The following ASB1 variants were observed in gnomAD, a reference collection of about 807,000 sequenced individuals.
ASB1 encodes ankyrin repeat and SOCS box protein 1.
In ASB1, 18 loss-of-function variants were observed where a neutral mutation model predicts 27.7. The ratio of observed to expected loss-of-function variants is 0.65; its 90% CI spans 0.45 to 0.96. ASB1 has a LOEUF of 0.96. Among genes scored for constraint, ASB1 ranks in the 50% least tolerant of loss-of-function variants. ASB1 has a pLI of 0.00. For missense variants in ASB1, 397 were observed against 451.7 expected, an observed-to-expected ratio of 0.88 and a Z score of 1.10; for synonymous variants, 189 against 187.6, an observed-to-expected ratio of 1.01 and a Z score of -0.06.
chr2:238,451,064 C>T lies in ASB1; in HGVS notation c.*4553C>T, dbSNP rs113223463. Reference sequence around the variant, plus strand: ...CCCGAACCTCTCAGTGTGGAATGAACGCTCCAAACCCGAACCTCTCAGTGT... The same window carrying T: ...CCCGAACCTCTCAGTGTGGAATGAATGCTCCAAACCCGAACCTCTCAGTGT... On this transcript the variant is annotated 3_prime_UTR_variant, in exon 5 of 5. Transcript: ENST00000264607. The T allele has an allele frequency of 0.11, 6,204 of 55,246 alleles. 104 individuals are homozygous for T. The highest frequency in any genetic ancestry group is 0.18 in the Non-Finnish European group (3,142 of 17,328). 3.4% of individuals were successfully genotyped at this position (55,246 alleles called of 1,614,324 possible). A position where few individuals can be genotyped will look rare whatever the true frequency, so the allele number is the denominator to read the frequency against.
chr2:238,431,020 A>T (rs893505811), intron 1 of ASB1, among the ~76,000 whole-genome samples: 1 of 152,266 alleles, frequency 6.6e-6, no homozygotes, highest in African/African-American at 2.4e-5. Context: ...CAGCTGCGTT[A>T]GCCCCTAACG....
At chr2:238,440,970 C>A (rs567456882) in intron 3 of ASB1, among the ~76,000 whole-genome samples, 29 of 152,260 alleles carry the variant, frequency 1.9e-4, no homozygotes, top group African/African-American at 6.3e-4. Flanking sequence ...ACAAGCTGTG[C>A]GTCCTGGCCT....
At chr2:238,432,268 C>T (rs991745961) in intron 1 of ASB1, among the ~76,000 whole-genome samples, 6 of 152,126 alleles carry the variant, frequency 3.9e-5, no homozygotes, top group African/African-American at 1.4e-4. Flanking sequence ...TTTTTTGTGA[C>T]ATCTGATAAC....
chr2:238,446,240 A>G, intron 4 of ASB1, 144 bp from the exon 5 acceptor site: 1 of 924,488 alleles, frequency 1.1e-6, no homozygotes, highest in Non-Finnish European at 1.6e-6. Flanking sequence ...AGGAAAAGCC[A>G]TCACTTTGTG....
chr2:238,444,177 G>A (rs1001030594), intron 3 of ASB1, among the ~76,000 whole-genome samples, 165 bp from the exon 4 acceptor site: 1 of 152,136 alleles, frequency 6.6e-6, no homozygotes, highest in African/African-American at 2.4e-5. Flanking sequence ...ACCTTATCTT[G>A]CTGAACGTAG....
Position 238,427,029 on chromosome 2 carries a change from G to GAAC in ASB1, c.-42_-41insAAC, listed in dbSNP as rs1241127716. On this transcript the variant is annotated 5_prime_UTR_variant, in exon 1 of 5. Transcript: ENST00000264607. Reference sequence around the variant, plus strand: ...GGGTCGTTCTGCTTCCTGCCCGAGGGGCGTGCGCGGGTCAGGGGCGGCCGC... The same window carrying GAAC: ...GGGTCGTTCTGCTTCCTGCCCGAGGGAACGCGTGCGCGGGTCAGGGGCGGCCGC... The GAAC allele has an allele frequency of 8.1e-7, 1 of 1,241,600 alleles. No homozygotes were observed. The highest frequency in any genetic ancestry group is 1.0e-6 in the Non-Finnish European group (1 of 992,392). The allele number at this position is 1,241,600 out of a possible 1,614,324, so 76.9% of individuals were successfully genotyped here.
In ASB1 at chr2:238,447,063, G is replaced by A. The variant is rs1305849111; in HGVS notation, c.*552G>A. On this transcript the variant is annotated 3_prime_UTR_variant, in exon 5 of 5. Coordinates refer to ENST00000264607, the MANE Select transcript of ASB1 (RefSeq NM_001040445.3). ...CCCTTCAGTATTCTCTCTTTGCGAT[G>A]GAGGTCTCATAGTGAGTGTCTTCAC... is the stretch of plus-strand genomic sequence containing the variant. The A allele has an allele frequency of 1.3e-5, 2 of 158,654 alleles. No individual in the cohort carries two copies. Among genetic ancestry groups the A allele is most frequent in the African/African-American group, 4.8e-5 (2 of 41,438 alleles). The allele number at this position is 158,654 out of a possible 1,614,324, so 9.8% of individuals were successfully genotyped here. A position where few individuals can be genotyped will look rare whatever the true frequency, so the allele number is the denominator to read the frequency against.
intron 3 of ASB1, among the ~76,000 whole-genome samples, chr2:238,441,202 T>C (rs960596380): frequency 2.0e-5 from 3 of 151,760 alleles, no homozygotes; most frequent in African/African-American, 7.3e-5. Context: ...TGGCATGATC[T>C]CAGCTTACTG....
At position 238,446,897 on chromosome 2, in the gene ASB1, G is replaced by T. The variant is rs189254879; in HGVS notation, c.*386G>T. ...TTTCTACTTCTCAATTTGATGGTTC[G>T]ATTAAAGCCTTCTAGTATCTCAATG... On this transcript the variant is annotated 3_prime_UTR_variant, in exon 5 of 5. Transcript: ENST00000264607. The T allele has an allele frequency of 5.6e-5, 11 of 198,022 alleles. No homozygotes were observed. The highest frequency in any genetic ancestry group is 2.6e-4 in the African/African-American group (11 of 42,094). 12.3% of individuals were successfully genotyped at this position (198,022 alleles called of 1,614,324 possible). A position where few individuals can be genotyped will look rare whatever the true frequency, so the allele number is the denominator to read the frequency against.
chr2:238,435,823 G>C lies in ASB1; in HGVS notation c.304G>C (p.Ala102Pro). Reference sequence around the variant, plus strand: ...TGTGGACTTCCTCATCCGGAAGGGGGCCGAGGTGGATCTGGTGGACGTAAA... The same window carrying C: ...TGTGGACTTCCTCATCCGGAAGGGGCCCGAGGTGGATCTGGTGGACGTAAA... ...SCVDFLIRKG[A>P]EVDLVDVKGQ... Residue 102 changes from alanine (A) to proline (P), a missense_variant, in exon 3 of 5, where the codon GCC (alanine) becomes CCC (proline). Coordinates refer to ENST00000264607, the MANE Select transcript of ASB1 (RefSeq NM_001040445.3). 6.2e-7 allele frequency: 1 copy of C among 1,614,244 alleles called. No individual in the cohort carries two copies. Among genetic ancestry groups the C allele is most frequent in the Non-Finnish European group, 8.5e-7 (1 of 1,180,036 alleles).
At position 238,447,242 on chromosome 2, in the gene ASB1, C is replaced by T. The variant is rs1702198347; in HGVS notation, c.*731C>T. 1 of 152,766 alleles carries T rather than the reference C, an allele frequency of 6.5e-6. No individual in the cohort carries two copies. 9.5% of individuals were successfully genotyped at this position (152,766 alleles called of 1,614,324 possible). A position where few individuals can be genotyped will look rare whatever the true frequency, so the allele number is the denominator to read the frequency against. ...AACTCCCCAGGAAATGACTGCCTTC[C>T]TTGGGACCAAGGACCGTTCCAACAG... On this transcript the variant is annotated 3_prime_UTR_variant, in exon 5 of 5. Coordinates refer to ENST00000264607, the MANE Select transcript of ASB1 (RefSeq NM_001040445.3).
chr2:238,437,167 A>G (rs1009225443), intron 3 of ASB1, among the ~76,000 whole-genome samples: 13 of 151,126 alleles, frequency 8.6e-5, no homozygotes, highest in African/African-American at 3.2e-4. Flanking sequence ...TTTCCATTTG[A>G]TATCTTTTCT....
At chr2:238,444,972 G>A (rs547058069) in intron 4 of ASB1, among the ~76,000 whole-genome samples, 3 of 142,932 alleles carry the variant, frequency 2.1e-5, no homozygotes, top group East Asian at 4.0e-4. Context: ...AATTATGCTC[G>A]CGCTCTCTTT....
At position 238,444,334 on chromosome 2, in the gene ASB1, C is replaced by G; in HGVS notation, c.495-8C>G. On this transcript the variant is annotated splice_polypyrimidine_tract_variant and splice_region_variant and intron_variant, in intron 3 of 4. Coordinates refer to ENST00000264607, the MANE Select transcript of ASB1 (RefSeq NM_001040445.3). ...TGCACAGTCTGACTTTCCCTTTCTT[C>G]CCTGCAGGTACGGGGCTGATGTTGA... The G allele has an allele frequency of 1.3e-6, 2 of 1,595,026 alleles. No homozygotes were observed. Among genetic ancestry groups the G allele is most frequent in the Non-Finnish European group, 1.7e-6 (2 of 1,166,560 alleles).
In ASB1 at chr2:238,435,735, G is replaced by T. The variant is rs200130908; in HGVS notation, c.216G>T (p.Trp72Cys). 14 of 1,613,728 alleles carry T rather than the reference G, an allele frequency of 8.7e-6. No homozygotes were observed. Among genetic ancestry groups the T allele is most frequent in the African/African-American group, 5.3e-5 (4 of 74,870 alleles). Residue 72 changes from tryptophan (W) to cysteine (C), a missense_variant, in exon 3 of 5, where the codon TGG (tryptophan) becomes TGT (cysteine). Trp to Cys is a radical substitution (Grantham distance 215, BLOSUM62 -2). Transcript: ENST00000264607. ...YRSRINEKSVWCCGWLPCTPL... is the reference protein window; with the variant it reads ...YRSRINEKSVCCCGWLPCTPL... Reference sequence around the variant, plus strand: ...GCCGCATCAACGAGAAGTCTGTCTGGTGCTGTGGCTGGCTCCCCTGCACAC... The same window carrying T: ...GCCGCATCAACGAGAAGTCTGTCTGTTGCTGTGGCTGGCTCCCCTGCACAC...
intron 1 of ASB1, chr2:238,427,552 CG>C (rs11362265): frequency 0.47 from 73,636 of 157,282 alleles, 19,246 homozygotes; most frequent in Middle Eastern, 0.64. Flanking sequence ...GGTGGTACAG[CG>C]GGGGGCAGCC....
intron 3 of ASB1, among the ~76,000 whole-genome samples, chr2:238,439,922 AT>A (rs1171748457): frequency 6.6e-6 from 1 of 152,120 alleles, no homozygotes; most frequent in East Asian, 1.9e-4. Context: ...TTCATCTCAG[AT>A]TTTTAATTTG....
rs1232626593 is a variant in ASB1 at position 238,444,349 on chromosome 2, G to C, written c.502G>C (p.Ala168Pro). 2 of 1,606,378 alleles carry C rather than the reference G, an allele frequency of 1.2e-6. No individual in the cohort carries two copies. The highest frequency in any genetic ancestry group is 2.7e-5 in the African/African-American group (2 of 74,782). ...DILKALIRYG[A>P]DVDVNHHLTP... ...TCCCTTTCTTCCCTGCAGGTACGGG[G>C]CTGATGTTGACGTCAACCACCACCT... The change falls in exon 4 of 5, where the codon GCT becomes CCT. Residue 168 changes from alanine to proline, a missense_variant. Transcript: ENST00000264607.
In ASB1 at chr2:238,429,304, TGA is replaced by T. The variant is rs1701822726; in HGVS notation, c.49+2187_49+2188del. On this transcript the variant is annotated intron_variant, in intron 1 of 4. Transcript: ENST00000264607. ...AGCAGGGACTTGAATCCAAGTGGTC[TGA>T]GTTTTTGCTCTTTACTTACACACGA... Among the ~76,000 whole-genome samples the T allele has an allele frequency of 2.6e-5, 4 of 152,356 alleles. No homozygotes were observed. The South Asian group carries it at 8.3e-4, about 32-fold the overall frequency.
Sources: gnomAD v4.1 joint callset for allele counts (sites outside exome capture counted in the v4.1 genomes callset) on GRCh38, gnomAD v4.1.1 for gene constraint, MANE v1.5 for transcripts, NCBI Gene and HGNC (gene_info 2026-07-23, HGNC 2026-07-21) for gene names.